The following ZNF70 variants were observed in gnomAD, a reference collection of about 807,000 sequenced individuals.
ZNF70 encodes zinc finger protein 70.
A neutral mutation model predicts 37.7 loss-of-function variants in ZNF70; 18 were observed. The ratio of observed to expected loss-of-function variants is 0.48; its 90% confidence interval spans 0.33 to 0.71. The LOEUF is 0.71. Ranked by LOEUF, ZNF70 falls within the 30% of genes least tolerant of loss-of-function variation. The probability of loss-of-function intolerance (pLI) is 0.02; values close to 1 mark genes in which losing one functional copy is unlikely to be tolerated. For missense variants in ZNF70, 506 were observed against 568.6 expected, an observed-to-expected ratio of 0.89 and a Z score of 1.12; for synonymous variants, 219 against 220.1, an observed-to-expected ratio of 0.99 and a Z score of 0.05.
intron 1 of ZNF70, 48 bp from the exon 2 acceptor site, chr22:23,745,267 C>A: frequency 1.1e-6 from 1 of 933,806 alleles, no homozygotes; most frequent in South Asian, 1.7e-5. Context: ...TCAAGCAGCT[C>A]ATATGTGCCT....
At position 23,743,792 on chromosome 22, in the gene ZNF70, T is replaced by C; in HGVS notation, c.*8A>G. 1.2e-6 allele frequency: 2 copies of C among 1,607,132 alleles called. No individual in the cohort carries two copies. Among genetic ancestry groups the C allele is most frequent in the Non-Finnish European group, 1.7e-6 (2 of 1,176,326 alleles). ...ACAGGCTTTCAAGCTTTGTGTGGGC[T>C]CCTCTTTCTATAGCTTCTCCCCAGA... On this transcript the variant is annotated 3_prime_UTR_variant, in exon 2 of 2. Transcript: ENST00000341976.
Position 23,744,155 on chromosome 22 carries a change from G to A in ZNF70, c.986C>T (p.Thr329Ile). 1 of 1,613,584 alleles carries A rather than the reference G, an allele frequency of 6.2e-7. No homozygotes were observed. The highest frequency in any genetic ancestry group is 8.5e-7 in the Non-Finnish European group (1 of 1,179,874). The change falls in exon 2 of 2, where the codon ACC becomes ATC. Residue 329 changes from threonine to isoleucine, a missense_variant. Coordinates refer to ENST00000341976, the MANE Select transcript of ZNF70 (RefSeq NM_021916.4). ...TTTGTAGGGCTTCTCGCCAGTGTGG[G>A]TCTTGCGGTGCTCAATGAGGTTGGA... Reference protein sequence around the residue: ...QSSNLIEHRKTHTGEKPYKCQ... With the variant: ...QSSNLIEHRKIHTGEKPYKCQ...
chr22:23,744,063 C>A lies in ZNF70; in HGVS notation c.1078G>T (p.Gly360Cys), dbSNP rs779183864. The A allele has an allele frequency of 2.5e-6, 4 of 1,614,188 alleles. No homozygotes were observed. The South Asian group carries it at 3.3e-5, about 13-fold the overall frequency. ...TGACAGCACTCGTAGGGCTTCTCACCGGTGTGGATGCGCTGGTGCTCAATG... is the reference window on the plus strand; with the variant it reads ...TGACAGCACTCGTAGGGCTTCTCACAGGTGTGGATGCGCTGGTGCTCAATG... ...SLIEHQRIHT[G>C]EKPYECCQCG... The change falls in exon 2 of 2, where the codon GGT (glycine) becomes TGT (cysteine). Residue 360 changes from glycine to cysteine, a missense_variant. Physicochemically the swap from Gly to Cys is radical, Grantham distance 159. Coordinates refer to ENST00000341976, the MANE Select transcript of ZNF70 (RefSeq NM_021916.4).
At chr22:23,749,088 C>T (rs1033822056) in intron 1 of ZNF70, among the ~76,000 whole-genome samples, 1 of 151,408 alleles carries the variant, frequency 6.6e-6, no homozygotes, top group East Asian at 2.0e-4. Context: ...AAAGGCCGGA[C>T]GCGGTGGCTC....
intron 1 of ZNF70, among the ~76,000 whole-genome samples, chr22:23,745,970 CCCGACCGGT>C (rs1168419061): frequency 6.6e-6 from 1 of 152,150 alleles, no homozygotes; most frequent in Non-Finnish European, 1.5e-5. Flanking sequence ...CTTATTCTCA[CCCGACCGGT>C]CCCCTCTTAT....
rs991527944 is a variant in ZNF70 at position 23,750,764 on chromosome 22, G to C, written c.-133C>G. The C allele has an allele frequency of 2.0e-5, 3 of 152,416 alleles. No homozygotes were observed. The highest frequency in any genetic ancestry group is 4.4e-5 in the Non-Finnish European group (3 of 68,174). The allele number at this position is 152,416 out of a possible 1,614,324, so 9.4% of individuals were successfully genotyped here. A position where few individuals can be genotyped will look rare whatever the true frequency, so the allele number is the denominator to read the frequency against. On this transcript the variant is annotated 5_prime_UTR_variant, in exon 1 of 2. Coordinates refer to ENST00000341976, the MANE Select transcript of ZNF70 (RefSeq NM_021916.4). ...TGCATCTGTCATCCCATCCTCCAGA[G>C]AGTCCCTAGGGCCTGGGCACCCTGC...
At position 23,744,171 on chromosome 22, in the gene ZNF70, T is replaced by C. The variant is rs769313235; in HGVS notation, c.970A>G (p.Ile324Val). 3 of 1,613,970 alleles carry C rather than the reference T, an allele frequency of 1.9e-6. No homozygotes were observed. Among genetic ancestry groups the C allele is most frequent in the Non-Finnish European group, 2.5e-6 (3 of 1,179,974 alleles). ...GKAFSQSSNLIEHRKTHTGEK... is the reference protein window; with the variant it reads ...GKAFSQSSNLVEHRKTHTGEK... ...CCAGTGTGGGTCTTGCGGTGCTCAATGAGGTTGGAGCTCTGGCTGAAGGCC... is the reference window on the plus strand; with the variant it reads ...CCAGTGTGGGTCTTGCGGTGCTCAACGAGGTTGGAGCTCTGGCTGAAGGCC... Residue 324 changes from isoleucine to valine, a missense_variant, in exon 2 of 2, where the codon ATT becomes GTT. Ile to Val is a conservative substitution (Grantham distance 29). Transcript: ENST00000341976.
chr22:23,742,579 G>A lies in ZNF70; in HGVS notation c.*1221C>T, dbSNP rs1924910846. On this transcript the variant is annotated 3_prime_UTR_variant, in exon 2 of 2. Transcript: ENST00000341976. ...GGAGAGAAAGCCCTGTTCAATGAGAGGTCCCACTGCTCAGAAACCAGACGG... is the reference window on the plus strand; with the variant it reads ...GGAGAGAAAGCCCTGTTCAATGAGAAGTCCCACTGCTCAGAAACCAGACGG... 6.6e-6 allele frequency: 1 copy of A among 152,454 alleles called. No homozygotes were observed. Among genetic ancestry groups the A allele is most frequent in the South Asian group, 2.1e-4 (1 of 4,826 alleles). 9.4% of individuals were successfully genotyped at this position (152,454 alleles called of 1,614,324 possible).
Position 23,739,551 on chromosome 22 carries a change from G to C in ZNF70, c.*4249C>G, listed in dbSNP as rs1924813471. The C allele has an allele frequency of 6.6e-6, 1 of 152,200 alleles. No individual in the cohort carries two copies. The highest frequency in any genetic ancestry group is 1.5e-5 in the Non-Finnish European group (1 of 68,094). The allele number at this position is 152,200 out of a possible 1,614,324, so 9.4% of individuals were successfully genotyped here. A position where few individuals can be genotyped will look rare whatever the true frequency, so the allele number is the denominator to read the frequency against. Reference sequence around the variant, plus strand: ...TCTGCCCGTCTTGGCCTCCCAAAGTGCTGGGATTACAGGCTTGAGCCACCG... The same window carrying C: ...TCTGCCCGTCTTGGCCTCCCAAAGTCCTGGGATTACAGGCTTGAGCCACCG... On this transcript the variant is annotated 3_prime_UTR_variant, in exon 2 of 2. Transcript: ENST00000341976.
In ZNF70 at chr22:23,741,002, T is replaced by C. The variant is rs1464806977; in HGVS notation, c.*2798A>G. On this transcript the variant is annotated 3_prime_UTR_variant, in exon 2 of 2. Transcript: ENST00000341976. ...GCACAGAATTATGAGCTGGGAGTGATGCTGGAGTGGGCAGGGGCGGCCTGA... is the reference window on the plus strand; with the variant it reads ...GCACAGAATTATGAGCTGGGAGTGACGCTGGAGTGGGCAGGGGCGGCCTGA... The C allele has an allele frequency of 1.3e-5, 2 of 152,308 alleles. No homozygotes were observed. The highest frequency in any genetic ancestry group is 6.6e-5 in the Admixed American group (1 of 15,242). The allele number at this position is 152,308 out of a possible 1,614,324, so 9.4% of individuals were successfully genotyped here.
At chr22:23,750,260 T>C (rs1186834285) in intron 1 of ZNF70, among the ~76,000 whole-genome samples, 1 of 152,188 alleles carries the variant, frequency 6.6e-6, no homozygotes, top group Non-Finnish European at 1.5e-5. Context: ...AGCCTGAAGA[T>C]CCTGCTATGT....
chr22:23,746,512 G>C (rs73158710), intron 1 of ZNF70, among the ~76,000 whole-genome samples: 145 of 151,942 alleles, frequency 9.5e-4, no homozygotes, highest in Non-Finnish European at 2.0e-3. Context: ...TGGCCTGGTG[G>C]TTCCCTTCTT....
At position 23,744,001 on chromosome 22, in the gene ZNF70, G is replaced by C. The variant is rs770406746; in HGVS notation, c.1140C>G (p.Ile380Met). Reference sequence around the variant, plus strand: ...TGCCGGTGTGGATTCTCTGGTGCTGGATCAGCGCAGAGCTGTGGCAAAAGG... The same window carrying C: ...TGCCGGTGTGGATTCTCTGGTGCTGCATCAGCGCAGAGCTGTGGCAAAAGG... Reference protein sequence around the residue: ...GKAFCHSSALIQHQRIHTGKK... With the variant: ...GKAFCHSSALMQHQRIHTGKK... The change falls in exon 2 of 2, where the codon ATC becomes ATG. Residue 380 changes from isoleucine (I) to methionine (M), a missense_variant. Transcript: ENST00000341976. 1.2e-6 allele frequency: 2 copies of C among 1,614,088 alleles called. No homozygotes were observed. The highest frequency in any genetic ancestry group is 2.2e-5 in the South Asian group (2 of 91,082).
At chr22:23,747,802 C>T (rs1038189434) in intron 1 of ZNF70, among the ~76,000 whole-genome samples, 11 of 151,768 alleles carry the variant, frequency 7.2e-5, no homozygotes, top group South Asian at 6.2e-4. Context: ...CCAGCCTGGG[C>T]AACAGAGTGA....
Position 23,751,063 on chromosome 22 carries a change from C to CCGCGGCCGA in ZNF70, c.-441_-433dup, listed in dbSNP as rs972049767. 9.9e-5 allele frequency: 15 copies of CCGCGGCCGA among 151,896 alleles called. No homozygotes were observed. Among genetic ancestry groups the CCGCGGCCGA allele is most frequent in the Admixed American group, 2.0e-4 (3 of 15,240 alleles). 9.4% of individuals were successfully genotyped at this position (151,896 alleles called of 1,614,324 possible). On this transcript the variant is annotated 5_prime_UTR_variant, in exon 1 of 2. Coordinates refer to ENST00000341976, the MANE Select transcript of ZNF70 (RefSeq NM_021916.4). Reference sequence around the variant, plus strand: ...GGGGCCGCACCTGAGCTGCTCCAACCCGCGGCCGACGCGGCCGACGCTGCC... The same window carrying CCGCGGCCGA: ...GGGGCCGCACCTGAGCTGCTCCAACCCGCGGCCGACGCGGCCGACGCGGCCGACGCTGCC...
Position 23,744,068 on chromosome 22 carries a change from T to C in ZNF70, c.1073A>G (p.His358Arg). The change falls in exon 2 of 2, where the codon CAC (histidine) becomes CGC (arginine). Residue 358 changes from histidine (H) to arginine (R), a missense_variant. By Grantham distance (29) the His-to-Arg change is conservative. Transcript: ENST00000341976. ...SSSLIEHQRI[H>R]TGEKPYECCQ... ...GCACTCGTAGGGCTTCTCACCGGTG[T>C]GGATGCGCTGGTGCTCAATGAGGGA... 6.2e-7 allele frequency: 1 copy of C among 1,614,102 alleles called. No individual in the cohort carries two copies. Among genetic ancestry groups the C allele is most frequent in the Non-Finnish European group, 8.5e-7 (1 of 1,179,994 alleles).
chr22:23,745,579 G>A (rs1925094009), intron 1 of ZNF70, among the ~76,000 whole-genome samples: 1 of 152,100 alleles, frequency 6.6e-6, no homozygotes, highest in Non-Finnish European at 1.5e-5. Context: ...AAACCAGCCT[G>A]GTCACATGGT....
intron 1 of ZNF70, among the ~76,000 whole-genome samples, chr22:23,748,109 C>T (rs1231334395): frequency 6.6e-6 from 1 of 151,704 alleles, no homozygotes; most frequent in East Asian, 1.9e-4. Flanking sequence ...CTTCAAGGCA[C>T]CTCATTTAAT....
Position 23,739,923 on chromosome 22 carries a change from C to T in ZNF70, c.*3877G>A, listed in dbSNP as rs1297239283. On this transcript the variant is annotated 3_prime_UTR_variant, in exon 2 of 2. Coordinates refer to ENST00000341976, the MANE Select transcript of ZNF70 (RefSeq NM_021916.4). ...ACTTAGAAATATTTTTAAATAATAA[C>T]ATTTGGGCAAAAGGAAATTCTTAAT... is the stretch of plus-strand genomic sequence containing the variant. 6.6e-6 allele frequency: 1 copy of T among 151,290 alleles called. No individual in the cohort carries two copies. The highest frequency in any genetic ancestry group is 2.1e-4 in the South Asian group (1 of 4,770). The allele number at this position is 151,290 out of a possible 1,614,324, so 9.4% of individuals were successfully genotyped here. A position where few individuals can be genotyped will look rare whatever the true frequency, so the allele number is the denominator to read the frequency against.
Sources: allele counts gnomAD v4.1 joint callset (sites outside exome capture counted in the v4.1 genomes callset), GRCh38; gene constraint gnomAD v4.1.1; transcripts MANE v1.5; gene names NCBI Gene and HGNC (gene_info 2026-07-23, HGNC 2026-07-21).